The following CHODL variants were observed in gnomAD, a reference collection of about 807,000 sequenced individuals.
CHODL encodes the protein transmembrane protein MT75.
A neutral mutation model predicts 34.5 loss-of-function variants in CHODL; 29 were observed. The observed-to-expected ratio is 0.84, with a 90% CI of 0.63 to 1.15. The LOEUF (loss-of-function observed/expected upper bound fraction) is 1.15. Ranked by LOEUF, CHODL falls within the 50% of genes most tolerant of loss-of-function variation. The pLI is 0.00. For synonymous variants in CHODL, 125 were observed against 116.1 expected, an observed-to-expected ratio of 1.08 and a Z score of -0.49; for missense variants, 332 against 332.5, an observed-to-expected ratio of 1.00 and a Z score of 0.01.
intron 2 of CHODL, chr21:18,028,027 A>G (rs1038835373): frequency 6.6e-6 from 1 of 152,356 alleles, no homozygotes; most frequent in African/African-American, 2.4e-5. Context: ...CTGTTATAGG[A>G]GCTCAAACTG....
At chr21:18,111,372 G>A (rs554086604) in intron 2 of CHODL, among the ~76,000 whole-genome samples, 2 of 152,100 alleles carry the variant, frequency 1.3e-5, no homozygotes, top group East Asian at 1.9e-4. Flanking sequence ...ATTATTCAGG[G>A]GTTACCATTT....
At chr21:18,102,943 C>A (rs1601006625) in intron 2 of CHODL, among the ~76,000 whole-genome samples, 2 of 152,118 alleles carry the variant, frequency 1.3e-5, no homozygotes, top group South Asian at 4.1e-4. Context: ...TATTTTGGCA[C>A]AAAGGTAGCA....
Position 18,007,624 on chromosome 21 carries a change from TCTC to T in CHODL, c.-144-20244_-144-20242del, listed in dbSNP as rs541565466. Reference sequence around the variant, plus strand: ...CTAAGTTACATAAGGCATTCTGTAATCTCCTCAAAGAACCCCAGGAACTCCCTA... The same window carrying T: ...CTAAGTTACATAAGGCATTCTGTAATCTCAAAGAACCCCAGGAACTCCCTA... On this transcript the variant is annotated intron_variant, in intron 1 of 6. Transcript: ENST00000400127. Among the ~76,000 whole-genome samples, 52 of 152,286 alleles carry T rather than the reference TCTC, an allele frequency of 3.4e-4. No homozygotes were observed. In the South Asian group the frequency reaches 3.7e-3, roughly 11 times the overall value.
upstream of CHODL, among the ~76,000 whole-genome samples, chr21:18,243,203 A>T (rs1488557380): frequency 6.6e-6 from 1 of 152,180 alleles, no homozygotes; most frequent in Admixed American, 6.5e-5. Flanking sequence ...GCATTTATAC[A>T]CAGAGTTATT....
At chr21:18,080,281 G>A (rs1439585430) in intron 2 of CHODL, among the ~76,000 whole-genome samples, 1 of 151,966 alleles carries the variant, frequency 6.6e-6, no homozygotes, top group Non-Finnish European at 1.5e-5. Context: ...CCATTCTGTA[G>A]CTTTTCTGTT....
intron 1 of CHODL, among the ~76,000 whole-genome samples, chr21:17,961,697 C>T (rs545270283): frequency 6.6e-6 from 1 of 152,276 alleles, no homozygotes; most frequent in African/African-American, 2.4e-5. Context: ...CAAACAAATC[C>T]TTTAACAAAA....
At chr21:18,049,253 G>A (rs2064483604) in intron 2 of CHODL, among the ~76,000 whole-genome samples, 1 of 151,858 alleles carries the variant, frequency 6.6e-6, no homozygotes, top group African/African-American at 2.4e-5. Context: ...TGTGACTTAT[G>A]GTGATCAAAA....
intron 1 of CHODL, among the ~76,000 whole-genome samples, chr21:18,006,135 G>A (rs576343013): frequency 2.6e-5 from 4 of 152,146 alleles, no homozygotes; most frequent in Admixed American, 6.5e-5. Flanking sequence ...GCCTTCCACC[G>A]TGATTGCTGA....
chr21:18,236,139 C>T lies in CHODL; in HGVS notation c.-44-20370C>T, dbSNP rs1297258488. Among the ~76,000 whole-genome samples, 5 of 152,048 alleles carry T rather than the reference C, an allele frequency of 3.3e-5. 1 individual carries two copies. In the East Asian group the frequency reaches 9.7e-4, roughly 29 times the overall value. On this transcript the variant is annotated intron_variant, in intron 2 of 6. Coordinates refer to the CHODL transcript ENST00000400127. ...ACGTGGCTGGGAAGGCCTCAGGAAA[C>T]TTACTATCATGGCAAAAGGAGAAGC... is the stretch of plus-strand genomic sequence containing the variant.
chr21:18,194,665 T>C (rs1372652641), intron 2 of CHODL, among the ~76,000 whole-genome samples: 1 of 152,052 alleles, frequency 6.6e-6, no homozygotes, highest in Non-Finnish European at 1.5e-5. Flanking sequence ...GTATTTACAG[T>C]GTATAAGGTG....
intron 2 of CHODL, among the ~76,000 whole-genome samples, chr21:18,230,673 G>A (rs1261991300): frequency 1.3e-5 from 2 of 152,012 alleles, no homozygotes; most frequent in Non-Finnish European, 2.9e-5. Flanking sequence ...TAAATATAAA[G>A]CTTGTTTAAA....
intron 5 of CHODL, among the ~76,000 whole-genome samples, chr21:18,263,354 G>T (rs1479687940): frequency 1.3e-5 from 2 of 152,036 alleles, no homozygotes; most frequent in Admixed American, 6.6e-5. Context: ...CAAGTCACAG[G>T]TTTCTGTTTT....
At chr21:18,042,803 T>G (rs2064392469) in intron 2 of CHODL, among the ~76,000 whole-genome samples, 1 of 151,926 alleles carries the variant, frequency 6.6e-6, no homozygotes, top group Admixed American at 6.6e-5. Context: ...ATATGCAAAA[T>G]TGTTGAATTT....
At chr21:18,107,492 C>G (rs1160385209) in intron 2 of CHODL, among the ~76,000 whole-genome samples, 2 of 152,230 alleles carry the variant, frequency 1.3e-5, no homozygotes, top group African/African-American at 4.8e-5. Flanking sequence ...CTTGAAAGCA[C>G]TAGTTGTGCA....
At chr21:18,247,317 C>G (rs1272580396) in intron 1 of CHODL, among the ~76,000 whole-genome samples, 2 of 152,086 alleles carry the variant, frequency 1.3e-5, no homozygotes, top group Admixed American at 1.3e-4. Context: ...AACATACTTG[C>G]AACGTATGGA....
At chr21:18,015,012 C>G (rs921670380) in intron 1 of CHODL, among the ~76,000 whole-genome samples, 12 of 152,122 alleles carry the variant, frequency 7.9e-5, no homozygotes, top group African/African-American at 2.9e-4. Flanking sequence ...AGAAGACAGG[C>G]ATATGAGGAG....
At chr21:18,145,913 A>G (rs1184224989) in intron 2 of CHODL, among the ~76,000 whole-genome samples, 4 of 152,184 alleles carry the variant, frequency 2.6e-5, no homozygotes, top group Non-Finnish European at 5.9e-5. Flanking sequence ...GTGCACATCA[A>G]GAAAGAATCC....
chr21:18,014,649 C>T (rs1347766822), intron 1 of CHODL, among the ~76,000 whole-genome samples: 1 of 152,118 alleles, frequency 6.6e-6, no homozygotes, highest in Non-Finnish European at 1.5e-5. Flanking sequence ...AAGATCTGGT[C>T]ATTTTGAAGC....
At chr21:18,129,057 T>A (rs771419289) in intron 2 of CHODL, among the ~76,000 whole-genome samples, 10 of 152,032 alleles carry the variant, frequency 6.6e-5, no homozygotes, top group Non-Finnish European at 1.3e-4. Context: ...ATATATTTAA[T>A]TTTTTAAAAA....
Sources: allele counts gnomAD v4.1 joint callset (sites outside exome capture counted in the v4.1 genomes callset), GRCh38; gene constraint gnomAD v4.1.1; transcripts MANE v1.5; gene names NCBI Gene and HGNC (gene_info 2026-07-23, HGNC 2026-07-21).